BICD1: variants seen among roughly 807,000 people sequenced by gnomAD.
BICD1 encodes protein bicaudal D homolog 1.
A neutral mutation model predicts 92.5 loss-of-function variants in BICD1; 35 were observed. The ratio of observed to expected loss-of-function variants is 0.38; its 90% CI spans 0.29 to 0.50. The LOEUF is 0.50. Ranked by LOEUF, BICD1 falls within the 20% of genes least tolerant of loss-of-function variation. The probability of loss-of-function intolerance (pLI) is 0.93; values close to 1 mark genes in which losing one functional copy is unlikely to be tolerated. For missense variants in BICD1, 950 were observed against 1,189.8 expected (o/e 0.80, Z 2.97); for synonymous variants, 429 against 465.1 (o/e 0.92, Z 1.00).
At chr12:32,241,816 AC>A (rs1436601361) in intron 2 of BICD1, among the ~76,000 whole-genome samples, 2 of 152,024 alleles carry the variant, frequency 1.3e-5, no homozygotes, top group Non-Finnish European at 2.9e-5. Flanking sequence ...GCCAGATAGG[AC>A]CTAGGCACCT....
intron 2 of BICD1, among the ~76,000 whole-genome samples, chr12:32,282,028 G>A (rs984815392): frequency 2.0e-5 from 3 of 152,082 alleles, no homozygotes; most frequent in African/African-American, 7.2e-5. Flanking sequence ...ATCAGATTAT[G>A]TGAGTGTGAC....
chr12:32,320,156 C>A (rs1420990359), intron 4 of BICD1, among the ~76,000 whole-genome samples: 2 of 152,028 alleles, frequency 1.3e-5, no homozygotes, highest in African/African-American at 4.8e-5. Flanking sequence ...TTGTGCATAT[C>A]GATGCTATGT....
intron 1 of BICD1, among the ~76,000 whole-genome samples, chr12:32,163,777 T>C (rs1234545867): frequency 6.6e-6 from 1 of 152,164 alleles, no homozygotes; most frequent in Non-Finnish European, 1.5e-5. Flanking sequence ...TTTGTTGAGT[T>C]AGAATCATGA....
intron 8 of BICD1, among the ~76,000 whole-genome samples, chr12:32,358,696 C>T (rs1303149208): frequency 1.3e-5 from 2 of 152,078 alleles, no homozygotes; most frequent in East Asian, 3.9e-4. Flanking sequence ...GAGATTGCAC[C>T]ACTGCACTCC....
chr12:32,182,723 AT>A (rs1256358776), intron 1 of BICD1, among the ~76,000 whole-genome samples: 4 of 151,850 alleles, frequency 2.6e-5, no homozygotes, highest in African/African-American at 9.7e-5. Context: ...TAGTATTTTT[AT>A]TTATAAAAGT....
At chr12:32,376,655 G>A (rs1592736164) in intron 9 of BICD1, among the ~76,000 whole-genome samples, 1 of 151,910 alleles carries the variant, frequency 6.6e-6, no homozygotes, top group Non-Finnish European at 1.5e-5. Context: ...ATCACCAGAG[G>A]TCAGGAGTTC....
At chr12:32,323,597 A>G (rs2136249206) in intron 4 of BICD1, among the ~76,000 whole-genome samples, 1 of 152,352 alleles carries the variant, frequency 6.6e-6, no homozygotes, top group Middle Eastern at 3.4e-3. Context: ...TTCTGCAGCC[A>G]TAATATATAA....
intron 2 of BICD1, among the ~76,000 whole-genome samples, chr12:32,217,626 T>C (rs1248259254): frequency 6.6e-6 from 1 of 152,146 alleles, no homozygotes; most frequent in African/African-American, 2.4e-5. Context: ...GAAGTTAGTG[T>C]TGAGTACTAA....
chr12:32,307,932 G>T (rs1948273642), intron 4 of BICD1, among the ~76,000 whole-genome samples: 1 of 152,192 alleles, frequency 6.6e-6, no homozygotes, highest in South Asian at 2.1e-4. Flanking sequence ...AGTGGGTTCA[G>T]GCTTTTTGTT....
chr12:32,242,505 C>T (rs148473767), intron 2 of BICD1, among the ~76,000 whole-genome samples: 6 of 150,960 alleles, frequency 4.0e-5, no homozygotes, highest in East Asian at 1.9e-4. Flanking sequence ...TTAGCCTGGC[C>T]GACAGAGCGA....
rs745756555 is a variant in BICD1, at chr12:32,294,132, T to C, written c.565T>C (p.Leu189=). 16 of 1,602,372 alleles carry C rather than the reference T, an allele frequency of 1.0e-5. No homozygotes were observed. The highest frequency in any genetic ancestry group is 1.4e-5 in the Non-Finnish European group (16 of 1,177,318). The part of the protein sequence containing the change: ...NITLQKLVST[L]KQNQVEYEGL... ...CACATTGCAGAAACTAGTGTCCACG[T>C]TGAAGCAGAACCAGGTAAGGTTTAA... The change falls in exon 3 of 10, where the codon TTG becomes CTG. Residue 189 remains leucine, a synonymous_variant. Coordinates refer to ENST00000652176, the MANE Select transcript of BICD1 (RefSeq NM_001714.4).
chr12:32,204,809 A>G (rs1051683818), intron 1 of BICD1, among the ~76,000 whole-genome samples: 1 of 152,222 alleles, frequency 6.6e-6, no homozygotes, highest in Non-Finnish European at 1.5e-5. Flanking sequence ...TAAATGTTCA[A>G]GGGGAATGCA....
intron 9 of BICD1, among the ~76,000 whole-genome samples, chr12:32,369,397 C>A (rs1024033356): frequency 3.9e-5 from 6 of 152,230 alleles, no homozygotes; most frequent in African/African-American, 1.2e-4. Context: ...TTCTTTTGAG[C>A]AGGGGCAGGC....
chr12:32,134,055 A>G (rs1172002832), intron 1 of BICD1, among the ~76,000 whole-genome samples: 1 of 152,202 alleles, frequency 6.6e-6, no homozygotes, highest in Non-Finnish European at 1.5e-5. Flanking sequence ...TGCTGGGATT[A>G]CAGGCCTGAG....
intron 1 of BICD1, among the ~76,000 whole-genome samples, chr12:32,182,764 G>T (rs1049265625): frequency 1.3e-5 from 2 of 151,410 alleles, no homozygotes; most frequent in African/African-American, 4.8e-5. Context: ...AAATCAAAGG[G>T]TTAGAAATAA....
intron 3 of BICD1, among the ~76,000 whole-genome samples, chr12:32,304,642 C>T (rs1948162421): frequency 6.6e-6 from 1 of 152,228 alleles, no homozygotes; most frequent in Non-Finnish European, 1.5e-5. Flanking sequence ...GAGGAGACAT[C>T]CCTGTCACCC....
chr12:32,342,762 C>A (rs563031906), intron 8 of BICD1, among the ~76,000 whole-genome samples: 1 of 152,246 alleles, frequency 6.6e-6, no homozygotes, highest in Non-Finnish European at 1.5e-5. Flanking sequence ...GTTATTTATT[C>A]TGTACAAGAG....
intron 4 of BICD1, among the ~76,000 whole-genome samples, chr12:32,318,723 G>T (rs962623520): frequency 1.5e-4 from 23 of 152,050 alleles, no homozygotes; most frequent in Admixed American, 3.3e-4. Flanking sequence ...GCGTAGTGGC[G>T]CATGCCTGTA....
intron 2 of BICD1, among the ~76,000 whole-genome samples, chr12:32,236,386 C>A (rs1946074226): frequency 1.3e-5 from 2 of 151,496 alleles, no homozygotes; most frequent in South Asian, 4.2e-4. Flanking sequence ...TAGAGCAAGA[C>A]TCCATCTCAA....
Sources: gnomAD v4.1 joint callset for allele counts (sites outside exome capture counted in the v4.1 genomes callset) on GRCh38, gnomAD v4.1.1 for gene constraint, MANE v1.5 for transcripts, NCBI Gene and HGNC (gene_info 2026-07-23, HGNC 2026-07-21) for gene names.